TBC1D14: variants seen among roughly 807,000 people sequenced by gnomAD.
TBC1D14 encodes TBC1 domain family, member 14.
Under a neutral mutation model 79.0 loss-of-function variants are expected in TBC1D14, and 26 were observed. That is an observed-to-expected ratio of 0.33 (90% CI 0.24 to 0.46). TBC1D14 has a LOEUF of 0.46. TBC1D14 is among the 20% of genes least tolerant of loss of function. The probability of loss-of-function intolerance (pLI) is 1.00; values close to 1 mark genes in which losing one functional copy is unlikely to be tolerated. For missense variants in TBC1D14, 769 were observed against 887.6 expected, an observed-to-expected ratio of 0.87 and a Z score of 1.70; for synonymous variants, 394 against 349.9, an observed-to-expected ratio of 1.13 and a Z score of -1.40.
intron 2 of TBC1D14, 43 bp downstream of exon 2, chr4:6,924,154 C>G: frequency 6.4e-7 from 1 of 1,564,442 alleles, no homozygotes; most frequent in Non-Finnish European, 8.6e-7. Flanking sequence ...GTGGTTGAGT[C>G]CAGACCAGTC....
chr4:7,022,867 T>TGG (rs565771290), intron 12 of TBC1D14, among the ~76,000 whole-genome samples: 22 of 151,804 alleles, frequency 1.4e-4, no homozygotes, highest in Admixed American at 1.4e-3. Flanking sequence ...TCTTTGGGCT[T>TGG]GGGGGGGTAC....
chr4:6,986,855 C>T (rs111804701), intron 3 of TBC1D14, among the ~76,000 whole-genome samples: 206 of 152,356 alleles, frequency 1.4e-3, no homozygotes, highest in African/African-American at 4.4e-3. Flanking sequence ...TTAAACCCAC[C>T]TGTTAATACT....
In TBC1D14 at chr4:6,953,214, G is replaced by A. The variant is rs1417951217; in HGVS notation, c.723-14090G>A. Among the ~76,000 whole-genome samples the A allele has an allele frequency of 5.6e-4, 83 of 148,524 alleles. 1 individual carries two copies. The highest frequency in any genetic ancestry group is 7.9e-4 in the Non-Finnish European group (53 of 66,822). On this transcript the variant is annotated intron_variant, in intron 2 of 13. Transcript: ENST00000409757. ...TAATTTTTGTATTTTTAGTAGAGAC[G>A]GGGTTTCACCATCTTGGCCAGGCTG...
In TBC1D14 at chr4:7,030,568, A is replaced by G; in HGVS notation, c.*176A>G. 1.6e-6 allele frequency: 1 copy of G among 610,252 alleles called. No homozygotes were observed. Among genetic ancestry groups the G allele is most frequent in the Non-Finnish European group, 2.8e-6 (1 of 352,134 alleles). The allele number at this position is 610,252 out of a possible 1,614,324, so 37.8% of individuals were successfully genotyped here. A position where few individuals can be genotyped will look rare whatever the true frequency, so the allele number is the denominator to read the frequency against. On this transcript the variant is annotated 3_prime_UTR_variant, in exon 14 of 14. Coordinates refer to ENST00000409757, the MANE Select transcript of TBC1D14 (RefSeq NM_020773.3). ...CAAAAACTTTTAAAGAATTAAACCA[A>G]GGCTTAGCCTTAAGCAGCTCAGTGG... is the stretch of plus-strand genomic sequence containing the variant.
At chr4:7,020,877 A>G (rs1281411274) in intron 12 of TBC1D14, among the ~76,000 whole-genome samples, 1 of 151,980 alleles carries the variant, frequency 6.6e-6, no homozygotes, top group Non-Finnish European at 1.5e-5. Flanking sequence ...ATCTCCCTTT[A>G]TTTGTACTGT....
In TBC1D14 at chr4:7,019,709, T is replaced by C. The variant is rs185601206; in HGVS notation, c.1757+5152T>C. On this transcript the variant is annotated intron_variant, in intron 12 of 13. Coordinates refer to ENST00000409757, the MANE Select transcript of TBC1D14 (RefSeq NM_020773.3). ...GACTGGAACCCTGCTGGGCTCAGGT[T>C]AGGGAGGACTCTGGGGCACAGAGGT... 1.1e-3 allele frequency among the ~76,000 whole-genome samples: 159 copies of C among 148,334 alleles called. 2 individuals are homozygous for C. Among genetic ancestry groups the C allele is most frequent in the African/African-American group, 3.7e-3 (146 of 39,576 alleles).
At chr4:6,970,504 C>T (rs576556285) in intron 3 of TBC1D14, among the ~76,000 whole-genome samples, 5 of 152,276 alleles carry the variant, frequency 3.3e-5, no homozygotes, top group Admixed American at 6.5e-5. Context: ...AATGGAACAA[C>T]GGAACACAGT....
chr4:7,009,281 A>G (rs1720515356), intron 9 of TBC1D14, among the ~76,000 whole-genome samples: 1 of 152,260 alleles, frequency 6.6e-6, no homozygotes, highest in South Asian at 2.1e-4. Flanking sequence ...CATTGGGGAA[A>G]TAATTCCAAC....
intron 2 of TBC1D14, among the ~76,000 whole-genome samples, chr4:6,957,931 A>T (rs895026858): frequency 7.4e-6 from 1 of 135,102 alleles, no homozygotes; most frequent in African/African-American, 2.6e-5. Context: ...AAAAATAAAT[A>T]AAAAAGGAGT....
At chr4:6,916,312 G>A (rs1403822008) in intron 1 of TBC1D14, among the ~76,000 whole-genome samples, 1 of 152,116 alleles carries the variant, frequency 6.6e-6, no homozygotes, top group Non-Finnish European at 1.5e-5. Context: ...CCGGGACAGG[G>A]AGTGCTTCGT....
At chr4:6,977,093 T>TCTCCCTCTCCTCATG (rs1491292742) in intron 3 of TBC1D14, among the ~76,000 whole-genome samples, 1 of 10,234 alleles carries the variant, frequency 9.8e-5, no homozygotes, top group African/African-American at 2.4e-4. Flanking sequence ...CTCTCCCCAC[T>TCTCCCTCTCCTCATG]GTCTCCCTCT....
Position 7,006,634 on chromosome 4 carries a change from G to A in TBC1D14, c.1354G>A (p.Ala452Thr). 1 of 1,613,690 alleles carries A rather than the reference G, an allele frequency of 6.2e-7. No homozygotes were observed. Among genetic ancestry groups the A allele is most frequent in the Non-Finnish European group, 8.5e-7 (1 of 1,179,750 alleles). Reference protein sequence around the residue: ...TGGSEVENEDAGFSAADREAS... With the variant: ...TGGSEVENEDTGFSAADREAS... The stretch of plus-strand genomic sequence containing the variant: ...TTATTTTTGGCATCTTTTGACAGAT[G>A]CTGGTTTTTCAGCAGCAGACAGAGA... Residue 452 changes from alanine (A) to threonine (T), a missense_variant and splice_region_variant, in exon 9 of 14, where the codon GCT (alanine) becomes ACT (threonine). Around this residue, in one of 2 missense-constraint regions of TBC1D14, gnomAD observed 367 missense variants for 494.4 expected, o/e 0.74. Transcript: ENST00000409757.
chr4:7,006,831 G>C, intron 9 of TBC1D14, 105 bp downstream of exon 9: 1 of 966,510 alleles, frequency 1.0e-6, no homozygotes, highest in Non-Finnish European at 1.6e-6. Context: ...TGGGTTTTTG[G>C]GGGTGTTAGG....
intron 2 of TBC1D14, among the ~76,000 whole-genome samples, chr4:6,947,385 C>T (rs1220238662): frequency 1.3e-5 from 2 of 152,040 alleles, no homozygotes; most frequent in Non-Finnish European, 2.9e-5. Flanking sequence ...GTAGTCCCAG[C>T]TACTTGGGAG....
chr4:6,962,980 G>T (rs915305064), intron 2 of TBC1D14, among the ~76,000 whole-genome samples: 3 of 152,330 alleles, frequency 2.0e-5, no homozygotes, highest in African/African-American at 7.2e-5. Flanking sequence ...TGGGGATGCA[G>T]AGGTGACTCT....
intron 2 of TBC1D14, among the ~76,000 whole-genome samples, chr4:6,949,672 G>A (rs1393762848): frequency 2.1e-5 from 2 of 93,972 alleles, no homozygotes; most frequent in African/African-American, 8.8e-5. Flanking sequence ...GACAGAGCAA[G>A]ACTCCGTCTC....
intron 2 of TBC1D14, among the ~76,000 whole-genome samples, chr4:6,930,104 G>C (rs10937766): frequency 6.6e-6 from 1 of 152,054 alleles, no homozygotes; most frequent in Non-Finnish European, 1.5e-5. Flanking sequence ...TTTGCAGGGC[G>C]GTGTTGGAAC....
chr4:6,923,027 G>A (rs375423589), intron 1 of TBC1D14, among the ~76,000 whole-genome samples: 2 of 152,064 alleles, frequency 1.3e-5, no homozygotes, highest in South Asian at 2.1e-4. Flanking sequence ...ATAGGGAAAC[G>A]CTGTCTCTAC....
At chr4:6,919,872 G>T (rs1723709311) in intron 1 of TBC1D14, among the ~76,000 whole-genome samples, 2 of 152,148 alleles carry the variant, frequency 1.3e-5, no homozygotes, top group Admixed American at 6.5e-5. Flanking sequence ...GCCCGCCTTG[G>T]CCTCCCAAAG....
Sources: allele counts gnomAD v4.1 joint callset (sites outside exome capture counted in the v4.1 genomes callset), GRCh38; gene constraint gnomAD v4.1.1; regional missense constraint gnomAD v4.1.1; transcripts MANE v1.5; gene names NCBI Gene and HGNC (gene_info 2026-07-23, HGNC 2026-07-21).